Variants in STK3 observed in about 807,000 individuals in gnomAD.
The protein encoded by STK3 is serine/threonine kinase 3.
A neutral mutation model predicts 58.0 loss-of-function variants in STK3; 41 were observed. The ratio of observed to expected loss-of-function variants is 0.71; its 90% confidence interval spans 0.55 to 0.92. The LOEUF (loss-of-function observed/expected upper bound fraction) is 0.92. Among genes scored for constraint, STK3 ranks in the 40% least tolerant of loss-of-function variants. The probability of loss-of-function intolerance (pLI) is 0.00; values close to 1 mark genes in which losing one functional copy is unlikely to be tolerated. For synonymous variants in STK3, 170 were observed against 191.0 expected, an observed-to-expected ratio of 0.89 and a Z score of 0.91; for missense variants, 479 against 602.7, an observed-to-expected ratio of 0.79 and a Z score of 2.15.
In STK3 at chr8:98,825,598, G is replaced by T; in HGVS notation, c.-58C>A. 1 of 1,384,114 alleles carries T rather than the reference G, an allele frequency of 7.2e-7. No individual in the cohort carries two copies. 85.7% of individuals were successfully genotyped at this position (1,384,114 alleles called of 1,614,324 possible). On this transcript the variant is annotated 5_prime_UTR_variant, in exon 1 of 11. Coordinates refer to ENST00000419617, the MANE Select transcript of STK3 (RefSeq NM_006281.4). Reference sequence around the variant, plus strand: ...ACGGCGAAGGCCGAAAGGAGGAAAGGAGCCGGGGCACCGGCCGGCCGAGCC... The same window carrying T: ...ACGGCGAAGGCCGAAAGGAGGAAAGTAGCCGGGGCACCGGCCGGCCGAGCC...
At chr8:98,464,768 A>G (rs1431615123) in intron 10 of STK3, among the ~76,000 whole-genome samples, 1 of 152,126 alleles carries the variant, frequency 6.6e-6, no homozygotes, top group Non-Finnish European at 1.5e-5. Flanking sequence ...CAGGCACTTG[A>G]TAACACTATA....
chr8:98,856,338 G>A (rs1323275236), intron 3 of STK3, among the ~76,000 whole-genome samples: 2 of 146,576 alleles, frequency 1.4e-5, no homozygotes, highest in African/African-American at 2.5e-5. Flanking sequence ...AAAAAAAAGA[G>A]TTCTTTCAAC....
intron 1 of STK3, among the ~76,000 whole-genome samples, chr8:98,937,579 C>T (rs1032976888): frequency 6.6e-6 from 1 of 152,234 alleles, no homozygotes; most frequent in African/African-American, 2.4e-5. Flanking sequence ...CTCACTTCTA[C>T]CCCCAAGTCA....
chr8:98,407,138 G>C (rs1359246891), intron 3 of STK3, among the ~76,000 whole-genome samples: 1 of 152,230 alleles, frequency 6.6e-6, no homozygotes, highest in Admixed American at 6.5e-5. Context: ...TGCCACAAAT[G>C]AATGAAAACA....
chr8:98,795,352 A>C (rs1294781657), intron 1 of STK3, among the ~76,000 whole-genome samples: 1 of 150,888 alleles, frequency 6.6e-6, no homozygotes, highest in Non-Finnish European at 1.5e-5. Flanking sequence ...AAAAAAAAAA[A>C]AAACCTCTTG....
At chr8:98,774,685 A>AT in intron 2 of STK3, 54 bp downstream of exon 2, 1 of 1,254,782 alleles carries the variant, frequency 8.0e-7, no homozygotes, top group Non-Finnish European at 1.1e-6. Flanking sequence ...ATCATATAAT[A>AT]TTTTTTAAAT....
At chr8:98,383,787 C>G (rs1193449405) in intron 1 of STK3, among the ~76,000 whole-genome samples, 6 of 152,196 alleles carry the variant, frequency 3.9e-5, no homozygotes, top group Admixed American at 3.3e-4. Context: ...AACCTTACTT[C>G]TAGGAACATC....
At position 98,559,433 on chromosome 8, in the gene STK3, T is replaced by G. The variant is rs895442157; in HGVS notation, c.949-11272A>C. 2.0e-5 allele frequency among the ~76,000 whole-genome samples: 3 copies of G among 152,096 alleles called. No homozygotes were observed. In the East Asian group the frequency reaches 5.8e-4, roughly 29 times the overall value. On this transcript the variant is annotated intron_variant, in intron 8 of 10. Transcript: ENST00000419617. Reference sequence around the variant, plus strand: ...GAACACAGAGGAGCACTTGCCAAACTGAAGCCTGGAGGAGCCCCATGAAAG... The same window carrying G: ...GAACACAGAGGAGCACTTGCCAAACGGAAGCCTGGAGGAGCCCCATGAAAG...
At chr8:98,748,300 A>C (rs1267203448) in intron 4 of STK3, among the ~76,000 whole-genome samples, 1 of 152,160 alleles carries the variant, frequency 6.6e-6, no homozygotes, top group Non-Finnish European at 1.5e-5. Flanking sequence ...GCACCATAGA[A>C]ATTCTAAAAT....
chr8:98,578,310 G>GA (rs1168744794), intron 8 of STK3, among the ~76,000 whole-genome samples: 2 of 152,072 alleles, frequency 1.3e-5, no homozygotes, highest in Admixed American at 1.3e-4. Flanking sequence ...TGACAAACCT[G>GA]AAAAAAATAC....
intron 4 of STK3, among the ~76,000 whole-genome samples, chr8:98,725,699 T>C (rs1220224938): frequency 6.6e-6 from 1 of 152,182 alleles, no homozygotes; most frequent in Non-Finnish European, 1.5e-5. Context: ...ACAAACATCA[T>C]ACAATTCTTA....
intron 10 of STK3, among the ~76,000 whole-genome samples, chr8:98,464,540 TAAAAAAA>T: frequency 3.5e-4 from 24 of 69,226 alleles, no homozygotes; most frequent in Admixed American, 6.6e-4. Flanking sequence ...TACTTAAAGT[TAAAAAAA>T]AAAAAAAAAA....
At chr8:98,404,605 G>C (rs374584900) in intron 3 of STK3, among the ~76,000 whole-genome samples, 1 of 151,404 alleles carries the variant, frequency 6.6e-6, no homozygotes, top group Admixed American at 6.6e-5. Flanking sequence ...GCGTGAACCC[G>C]GGAGGCGGAG....
chr8:98,712,875 T>C (rs1473023589), intron 4 of STK3, among the ~76,000 whole-genome samples: 1 of 151,588 alleles, frequency 6.6e-6, no homozygotes, highest in Non-Finnish European at 1.5e-5. Context: ...ATTGACCACA[T>C]AGTTGGAAGT....
chr8:98,927,322 T>C (rs79739221), intron 1 of STK3, among the ~76,000 whole-genome samples: 4,704 of 152,320 alleles, frequency 0.031, 98 homozygotes, highest in East Asian at 0.052. Flanking sequence ...ATAACTTTTC[T>C]GTGATTCATT....
chr8:98,897,256 C>T (rs933515778), intron 1 of STK3, among the ~76,000 whole-genome samples: 1 of 152,110 alleles, frequency 6.6e-6, no homozygotes, highest in African/African-American at 2.4e-5. Context: ...TTATTTAACA[C>T]GCAAAAGAAA....
intron 1 of STK3, among the ~76,000 whole-genome samples, chr8:98,806,892 C>T (rs1413920739): frequency 6.6e-6 from 1 of 152,116 alleles, no homozygotes; most frequent in African/African-American, 2.4e-5. Context: ...CGGTGGCTCA[C>T]GCCTGTAATC....
rs549780596 is a variant in STK3 at position 98,796,299 on chromosome 8, T to C, written c.27-21480A>G. Among the ~76,000 whole-genome samples the C allele has an allele frequency of 3.4e-4, 51 of 152,154 alleles. 1 individual carries two copies. The highest frequency in any genetic ancestry group is 3.1e-3 in the Admixed American group (47 of 15,292). The stretch of plus-strand genomic sequence containing the variant: ...TGGTACTGGTACCAAAACAGACACA[T>C]AGACCAATGGAACTGAAAAGAGAAC... On this transcript the variant is annotated intron_variant, in intron 1 of 10. Coordinates refer to ENST00000419617, the MANE Select transcript of STK3 (RefSeq NM_006281.4).
At chr8:98,399,718 C>T (rs950094418), downstream of STK3, among the ~76,000 whole-genome samples, 10 of 152,142 alleles carry the variant, frequency 6.6e-5, no homozygotes, top group African/African-American at 9.7e-5. Flanking sequence ...AATGAATTGC[C>T]GATCTACTGC....
Sources: gnomAD v4.1 joint callset for allele counts (sites outside exome capture counted in the v4.1 genomes callset) on GRCh38, gnomAD v4.1.1 for gene constraint, MANE v1.5 for transcripts, NCBI Gene and HGNC (gene_info 2026-07-23, HGNC 2026-07-21) for gene names.